Variants in TTC7A observed in about 807,000 individuals in gnomAD.
TTC7A encodes the protein tetratricopeptide repeat domain 7A.
Under a neutral mutation model 103.7 loss-of-function variants are expected in TTC7A, and 110 were observed. That is an observed-to-expected ratio of 1.06 (90% CI 0.91 to 1.24). TTC7A has a LOEUF of 1.24. Ranked by LOEUF, TTC7A falls within the 50% of genes most tolerant of loss-of-function variation. TTC7A has a pLI of 0.00. For synonymous variants in TTC7A, 521 were observed against 467.9 expected (o/e 1.11, Z -1.47); for missense variants, 1,340 against 1,116.3 (o/e 1.20, Z -2.86).
intron 2 of TTC7A, among the ~76,000 whole-genome samples, chr2:46,934,486 C>T (rs978638668): frequency 6.6e-6 from 1 of 151,960 alleles, no homozygotes; most frequent in Admixed American, 6.6e-5. Flanking sequence ...CTTGAACTGG[C>T]TGGTCTCCAA....
intron 5 of TTC7A, among the ~76,000 whole-genome samples, chr2:46,988,222 G>A (rs540373504): frequency 1.3e-5 from 2 of 152,316 alleles, no homozygotes; most frequent in Admixed American, 1.3e-4. Context: ...TAGAAAGGAA[G>A]GAGCCCGGCA....
At chr2:46,930,979 T>G (rs1669671191) in intron 2 of TTC7A, among the ~76,000 whole-genome samples, 1 of 152,068 alleles carries the variant, frequency 6.6e-6, no homozygotes, top group Non-Finnish European at 1.5e-5. Flanking sequence ...TGAAGACAGT[T>G]CCAGATGAGA....
Position 47,006,667 on chromosome 2 carries a change from G to T in TTC7A, c.1230G>T (p.Ala410=). ...SECLERAMKF[A]FGEFHLWYQV... is the part of the protein sequence containing the mutation. ...GCCTGGAGCGAGCCATGAAGTTTGC[G>T]TTTGGAGAATTTCACCTTTGGTACC... Residue 410 remains alanine (A), a synonymous_variant, in exon 10 of 20, where the codon GCG becomes GCT. Coordinates refer to ENST00000319190, the MANE Select transcript of TTC7A (RefSeq NM_020458.4). 1.2e-6 allele frequency: 2 copies of T among 1,614,190 alleles called. No individual in the cohort carries two copies. The highest frequency in any genetic ancestry group is 2.2e-5 in the East Asian group (1 of 44,874).
chr2:47,046,996 G>T, intron 16 of TTC7A: 1 of 394,496 alleles, frequency 2.5e-6, no homozygotes, highest in Non-Finnish European at 4.5e-6. Context: ...CATGCCTCCT[G>T]TCTCCTGCTG....
intron 2 of TTC7A, among the ~76,000 whole-genome samples, chr2:46,923,804 C>T (rs895612273): frequency 2.4e-4 from 36 of 152,164 alleles, no homozygotes; most frequent in African/African-American, 8.2e-4. Flanking sequence ...GCCATCTCAG[C>T]TCACTGCAAC....
intron 2 of TTC7A, among the ~76,000 whole-genome samples, chr2:46,951,056 T>A (rs1671363238): frequency 6.6e-6 from 1 of 152,196 alleles, no homozygotes; most frequent in Admixed American, 6.5e-5. Context: ...AGTGAACCTG[T>A]GACCTAGTTA....
chr2:47,072,056 C>G (rs574322504), intron 19 of TTC7A, among the ~76,000 whole-genome samples: 1 of 152,188 alleles, frequency 6.6e-6, no homozygotes, highest in Non-Finnish European at 1.5e-5. Flanking sequence ...TTCCCTCCTC[C>G]CTGTGGGCCG....
At chr2:46,946,543 C>T (rs1670953655) in intron 1 of TTC7A, among the ~76,000 whole-genome samples, 1 of 152,166 alleles carries the variant, frequency 6.6e-6, no homozygotes, top group African/African-American at 2.4e-5. Flanking sequence ...TCCACCTCAG[C>T]CTTCCAAGTA....
chr2:47,013,853 C>T (rs13417534), intron 11 of TTC7A, among the ~76,000 whole-genome samples: 4,864 of 152,218 alleles, frequency 0.032, 281 homozygotes, highest in African/African-American at 0.11. Flanking sequence ...TTCAGCTGAG[C>T]AGCATATTTG....
rs114264230 is a variant in TTC7A, at chr2:46,970,171, G to A, written c.518-4802G>A. On this transcript the variant is annotated intron_variant, in intron 3 of 19. Coordinates refer to ENST00000319190, the MANE Select transcript of TTC7A (RefSeq NM_020458.4). The stretch of plus-strand genomic sequence containing the variant: ...AGCCCAGCTAATTTTTTCTATTTTG[G>A]GGGGGACGGGGTTTCACCATGTTCC... Among the ~76,000 whole-genome samples, 1,311 of 152,120 alleles carry A rather than the reference G, an allele frequency of 8.6e-3. 15 individuals are homozygous for A. The highest frequency in any genetic ancestry group is 0.029 in the African/African-American group (1,210 of 41,486).
chr2:47,032,671 T>C (rs1176704374), intron 15 of TTC7A, among the ~76,000 whole-genome samples: 2 of 151,780 alleles, frequency 1.3e-5, no homozygotes, highest in Non-Finnish European at 2.9e-5. Flanking sequence ...TGTCCAGGGC[T>C]GTGGGTCTAG....
upstream of TTC7A, among the ~76,000 whole-genome samples, chr2:46,939,952 C>T (rs2103873855): frequency 6.6e-6 from 1 of 152,316 alleles, no homozygotes; most frequent in East Asian, 1.9e-4. Context: ...AGAACAGTCC[C>T]CAGGTGCTCA....
At chr2:46,987,148 G>T (rs191668224) in intron 5 of TTC7A, among the ~76,000 whole-genome samples, 1 of 152,210 alleles carries the variant, frequency 6.6e-6, no homozygotes, top group Non-Finnish European at 1.5e-5. Flanking sequence ...CTCGGTGGGT[G>T]GGGGTGGAGG....
At chr2:47,048,757 C>T (rs149939093) in intron 16 of TTC7A, among the ~76,000 whole-genome samples, 15 of 152,266 alleles carry the variant, frequency 9.9e-5, no homozygotes, top group African/African-American at 3.6e-4. Context: ...CACCCACGAC[C>T]ATGTCTGGTT....
chr2:47,061,097 G>A lies in TTC7A; in HGVS notation c.2355+126G>A, dbSNP rs114918709. ...TGCCTTGCTACTGCTGTTCCCTGGTGTCTAGGGGAGGGGGCTTCCCTCCTG... is the reference window on the plus strand; with the variant it reads ...TGCCTTGCTACTGCTGTTCCCTGGTATCTAGGGGAGGGGGCTTCCCTCCTG... On this transcript the variant is annotated intron_variant, in intron 19 of 19. Transcript: ENST00000319190. 1,491 of 1,011,604 alleles carry A rather than the reference G, an allele frequency of 1.5e-3. 13 individuals are homozygous for A. In the African/African-American group the frequency reaches 0.022, roughly 15 times the overall value. 62.7% of individuals were successfully genotyped at this position (1,011,604 alleles called of 1,614,324 possible).
At chr2:47,039,553 A>G (rs1309093402) in intron 15 of TTC7A, among the ~76,000 whole-genome samples, 3 of 151,598 alleles carry the variant, frequency 2.0e-5, no homozygotes, top group South Asian at 4.2e-4. Flanking sequence ...CAAGATAACT[A>G]TTTTTTTTTA....
At chr2:46,971,894 T>C (rs1317855184) in intron 3 of TTC7A, among the ~76,000 whole-genome samples, 2 of 147,044 alleles carry the variant, frequency 1.4e-5, no homozygotes, top group African/African-American at 5.1e-5. Context: ...CAGCACTCTC[T>C]AGTCAGGTCT....
rs377553119 is a variant in TTC7A, at chr2:46,932,178, C to T, written c.82+14901C>T. On this transcript the variant is annotated intron_variant, in intron 2 of 20. Transcript: ENST00000409245. Reference sequence around the variant, plus strand: ...CTTTTTTTTTTTTTTGAGACAGAGTCTTGCTCTGTCACCCAGGCTGGAGTG... The same window carrying T: ...CTTTTTTTTTTTTTTGAGACAGAGTTTTGCTCTGTCACCCAGGCTGGAGTG... Among the ~76,000 whole-genome samples, 23 of 150,180 alleles carry T rather than the reference C, an allele frequency of 1.5e-4. No individual in the cohort carries two copies. The East Asian group carries it at 4.3e-3, about 28-fold the overall frequency.
intron 14 of TTC7A, among the ~76,000 whole-genome samples, chr2:47,026,584 G>A (rs1439750586): frequency 6.6e-6 from 1 of 152,204 alleles, no homozygotes; most frequent in Non-Finnish European, 1.5e-5. Context: ...TGCAGGGATG[G>A]AACGCTGACA....
Sources: gnomAD v4.1 joint callset for allele counts (sites outside exome capture counted in the v4.1 genomes callset) on GRCh38, gnomAD v4.1.1 for gene constraint, MANE v1.5 for transcripts, NCBI Gene and HGNC (gene_info 2026-07-23, HGNC 2026-07-21) for gene names.